Variants in AGBL4 observed in about 807,000 individuals in gnomAD.
AGBL4 encodes the protein cytosolic carboxypeptidase 6.
In AGBL4, 58 loss-of-function variants were observed where a neutral mutation model predicts 66.4. That is an observed-to-expected ratio of 0.87 (90% CI 0.71 to 1.09). AGBL4 has a LOEUF of 1.09. AGBL4 is among the 50% of genes least tolerant of loss of function. The probability of loss-of-function intolerance (pLI) is 0.00; values close to 1 mark genes in which losing one functional copy is unlikely to be tolerated. For synonymous variants in AGBL4, 234 were observed against 222.9 expected (o/e 1.05, Z -0.44); for missense variants, 579 against 631.0 (o/e 0.92, Z 0.88).
chr1:48,831,826 T>A (rs1236817056), intron 6 of AGBL4, among the ~76,000 whole-genome samples: 1 of 152,204 alleles, frequency 6.6e-6, no homozygotes, highest in Admixed American at 6.5e-5. Context: ...TTCTTTTTGC[T>A]GAGTGAGGAT....
intron 5 of AGBL4, among the ~76,000 whole-genome samples, chr1:49,033,792 G>GT (rs1664419280): frequency 6.7e-6 from 1 of 148,798 alleles, no homozygotes; most frequent in African/African-American, 2.5e-5. Context: ...CTTTCCTCTG[G>GT]TTTCATGATT....
intron 6 of AGBL4, among the ~76,000 whole-genome samples, chr1:48,719,767 C>G (rs367938591): frequency 6.6e-6 from 1 of 152,196 alleles, no homozygotes; most frequent in Non-Finnish European, 1.5e-5. Flanking sequence ...TTAATGCTCA[C>G]AGAAACATGA....
intron 3 of AGBL4, among the ~76,000 whole-genome samples, chr1:49,299,058 C>T (rs1297836185): frequency 6.6e-6 from 1 of 151,662 alleles, no homozygotes; most frequent in Non-Finnish European, 1.5e-5. Context: ...TGTAACACGC[C>T]ATAATAAGTG....
At chr1:50,006,396 A>G (rs551145986) in intron 1 of AGBL4, among the ~76,000 whole-genome samples, 1 of 152,212 alleles carries the variant, frequency 6.6e-6, no homozygotes. Flanking sequence ...TCAAAGGGAT[A>G]ATAAAAGAGG....
intron 4 of AGBL4, among the ~76,000 whole-genome samples, chr1:49,186,397 T>C (rs1056803428): frequency 2.6e-5 from 4 of 152,216 alleles, no homozygotes; most frequent in African/African-American, 7.2e-5. Context: ...CATACTTCCA[T>C]ACTAAAAGTA....
chr1:49,354,509 CTCTT>C lies in AGBL4; in HGVS notation c.283-108649_283-108646del, dbSNP rs1362404344. 3.3e-5 allele frequency among the ~76,000 whole-genome samples: 5 copies of C among 151,358 alleles called. No individual in the cohort carries two copies. The East Asian group carries it at 7.9e-4, about 24-fold the overall frequency. ...AGAACCCCTCAGGCTCTTGCCTCAT[CTCTT>C]TCTTCTTCTTCTCTATCTACACTTG... On this transcript the variant is annotated intron_variant, in intron 3 of 13. Transcript: ENST00000371839.
chr1:49,709,960 T>C (rs1647516046), intron 2 of AGBL4, among the ~76,000 whole-genome samples: 1 of 152,154 alleles, frequency 6.6e-6, no homozygotes, highest in Admixed American at 6.6e-5. Flanking sequence ...GGAGAGGATG[T>C]GGAGAAATAG....
intron 3 of AGBL4, among the ~76,000 whole-genome samples, chr1:49,506,954 A>G (rs2148774410): frequency 6.6e-6 from 1 of 152,060 alleles, no homozygotes; most frequent in East Asian, 1.9e-4. Flanking sequence ...TCACACCCTT[A>G]TGTACTCCTC....
chr1:49,651,477 C>T (rs558430531), intron 3 of AGBL4, among the ~76,000 whole-genome samples: 7 of 152,192 alleles, frequency 4.6e-5, no homozygotes, highest in East Asian at 1.9e-4. Flanking sequence ...GTAAGACAGA[C>T]GCTTCCTGAG....
intron 6 of AGBL4, among the ~76,000 whole-genome samples, chr1:48,704,635 A>C (rs978071863): frequency 6.6e-6 from 1 of 152,178 alleles, no homozygotes; most frequent in Non-Finnish European, 1.5e-5. Flanking sequence ...GGCCCACGCA[A>C]GGTCAGGATC....
intron 4 of AGBL4, among the ~76,000 whole-genome samples, chr1:49,135,531 T>C (rs1186997619): frequency 6.6e-6 from 1 of 152,134 alleles, no homozygotes; most frequent in East Asian, 1.9e-4. Flanking sequence ...ACCCACATGT[T>C]TATTAACAGC....
At chr1:49,929,346 C>T (rs1006355617) in intron 1 of AGBL4, among the ~76,000 whole-genome samples, 4 of 150,576 alleles carry the variant, frequency 2.7e-5, no homozygotes, top group Admixed American at 2.6e-4. Context: ...CTAAAGCAAC[C>T]CCAAAAAAGG....
At chr1:48,855,172 C>T (rs1647118053) in intron 6 of AGBL4, among the ~76,000 whole-genome samples, 1 of 152,182 alleles carries the variant, frequency 6.6e-6, no homozygotes, top group Non-Finnish European at 1.5e-5. Context: ...CTTTCCTGAC[C>T]TGATCTCCCT....
At chr1:48,948,433 C>A (rs889983339) in intron 5 of AGBL4, among the ~76,000 whole-genome samples, 2 of 152,200 alleles carry the variant, frequency 1.3e-5, no homozygotes, top group African/African-American at 2.4e-5. Flanking sequence ...CCGCCTTTCA[C>A]TGATTCATCC....
intron 3 of AGBL4, among the ~76,000 whole-genome samples, chr1:49,497,295 A>G (rs1391554062): frequency 6.6e-6 from 1 of 151,888 alleles, no homozygotes; most frequent in Non-Finnish European, 1.5e-5. Context: ...GGTTGAAGAT[A>G]TTTTCTCCCA....
chr1:49,562,999 T>C (rs1216076964), intron 3 of AGBL4, among the ~76,000 whole-genome samples: 1 of 152,128 alleles, frequency 6.6e-6, no homozygotes, highest in Non-Finnish European at 1.5e-5. Context: ...CAGTGGTTCG[T>C]AGTTATCCTT....
intron 2 of AGBL4, among the ~76,000 whole-genome samples, chr1:49,707,691 C>T (rs1423421500): frequency 2.0e-5 from 3 of 151,946 alleles, no homozygotes; most frequent in Non-Finnish European, 4.4e-5. Context: ...TGGCAGGTAC[C>T]GGTTTTTCCT....
chr1:49,205,210 G>T (rs1648036526), intron 4 of AGBL4, among the ~76,000 whole-genome samples: 1 of 152,018 alleles, frequency 6.6e-6, no homozygotes, highest in African/African-American at 2.4e-5. Flanking sequence ...TTAATTTATT[G>T]CTAAAGTGAC....
chr1:48,534,531 T>C (rs1643938164), intron 13 of AGBL4, among the ~76,000 whole-genome samples: 1 of 152,148 alleles, frequency 6.6e-6, no homozygotes, highest in African/African-American at 2.4e-5. Flanking sequence ...AAACAATAAC[T>C]ATAATATGTG....
Sources: allele counts gnomAD v4.1 joint callset (sites outside exome capture counted in the v4.1 genomes callset), GRCh38; gene constraint gnomAD v4.1.1; transcripts MANE v1.5; gene names NCBI Gene and HGNC (gene_info 2026-07-23, HGNC 2026-07-21).